Variants in TTN observed in about 807,000 individuals in gnomAD.
The protein encoded by TTN is titin.
A neutral mutation model predicts 3,223.0 loss-of-function variants in TTN; 1,525 were observed. That is an observed-to-expected ratio of 0.47 (90% confidence interval 0.45 to 0.49). The LOEUF (loss-of-function observed/expected upper bound fraction) is 0.49. TTN is among the 20% of genes least tolerant of loss of function. The pLI is 0.00. For synonymous variants in TTN, 14,094 were observed against 15,161.0 expected, an observed-to-expected ratio of 0.93 and a Z score of 5.17; for missense variants, 40,786 against 43,424.0, an observed-to-expected ratio of 0.94 and a Z score of 5.40.
In TTN at chr2:178,714,967, T is replaced by A. The variant is rs2562837; in HGVS notation, c.26200+19A>T. ...TTAGAAGGGAAGTAGTGAGCAGAAG[T>A]GAATGCAGTCCATCTAACCTTTGAG... On this transcript the variant is annotated intron_variant, in intron 90 of 362. Coordinates refer to ENST00000589042, the MANE Select transcript of TTN (RefSeq NM_001267550.2). 0.033 allele frequency: 52,395 copies of A among 1,589,382 alleles called. 1,676 individuals are homozygous for A. Among genetic ancestry groups the A allele is most frequent in the East Asian group, 0.19 (8,522 of 44,650 alleles).
In TTN at chr2:178,663,321, T is replaced by A. The variant is rs2154258534; in HGVS notation, c.36645A>T (p.Pro12215=). 5.7e-6 allele frequency: 9 copies of A among 1,575,268 alleles called. No homozygotes were observed. The highest frequency in any genetic ancestry group is 7.7e-6 in the Non-Finnish European group (9 of 1,165,220). The change falls in exon 173 of 363, where the codon CCA becomes CCT. Residue 12215 remains proline, a synonymous_variant. Transcript: ENST00000589042. The stretch of plus-strand genomic sequence containing the variant: ...GAATAGCTTCAGGCAACTTCTTTTC[T>A]GGGACAGCTGCCTTTGGCACCTCTG... The part of the protein sequence containing the change: ...KVPEVPKAAV[P]EKKLPEAIPP...
rs1253287416 is a variant in TTN at position 178,603,897 on chromosome 2, C to T, written c.54790G>A (p.Glu18264Lys). The T allele has an allele frequency of 3.7e-6, 6 of 1,607,938 alleles. No individual in the cohort carries two copies. The highest frequency in any genetic ancestry group is 5.1e-6 in the Non-Finnish European group (6 of 1,175,578). ...IGPPSEPSDP[E>K]VAGDPIFPPG... The stretch of plus-strand genomic sequence containing the variant: ...TTACATATGGGATCTCCTGCAACCT[C>T]TGGATCTGATGGTTCACTGGGAGGA... The change falls in exon 282 of 363, where the codon GAG becomes AAG. Residue 18264 changes from glutamate to lysine, a missense_variant. Coordinates refer to ENST00000589042, the MANE Select transcript of TTN (RefSeq NM_001267550.2).
Position 178,610,185 on chromosome 2 carries a change from T to C in TTN, c.51341A>G (p.Asn17114Ser). 6.2e-7 allele frequency: 1 copy of C among 1,613,028 alleles called. No homozygotes were observed. Among genetic ancestry groups the C allele is most frequent in the Non-Finnish European group, 8.5e-7 (1 of 1,179,318 alleles). Residue 17114 changes from asparagine to serine, a missense_variant, in exon 271 of 363, where the codon AAT (asparagine) becomes AGT (serine). By Grantham distance (46) the Asn-to-Ser change is conservative (BLOSUM62 1). Coordinates refer to ENST00000589042, the MANE Select transcript of TTN (RefSeq NM_001267550.2). ...LSWTVKDLIP[N>S]GEYFFRVKAV... ...TTTAACACGGAAGAAGTATTCACCATTTGGTATGAGATCCTTCACAGTCCA... is the reference window on the plus strand; with the variant it reads ...TTTAACACGGAAGAAGTATTCACCACTTGGTATGAGATCCTTCACAGTCCA...
chr2:178,717,711 G>C lies in TTN; in HGVS notation c.25163C>G (p.Pro8388Arg). The change falls in exon 87 of 363, where the codon CCT becomes CGT. Residue 8388 changes from proline to arginine, a missense_variant. By Grantham distance (103) the Pro-to-Arg change is moderately radical. Transcript: ENST00000589042. ...ATCCTTGTACCAAGACACTTGAAGAGGTTCTGAGCCATTGATGCGGCATTC... is the reference window on the plus strand; with the variant it reads ...ATCCTTGTACCAAGACACTTGAAGACGTTCTGAGCCATTGATGCGGCATTC... ...AFECRINGSE[P>R]LQVSWYKDGV... is the part of the protein sequence containing the mutation. 4.3e-6 allele frequency: 7 copies of C among 1,613,384 alleles called. No homozygotes were observed. The highest frequency in any genetic ancestry group is 5.9e-6 in the Non-Finnish European group (7 of 1,179,582).
In TTN at chr2:178,636,778, G is replaced by T. The variant is rs1259088539; in HGVS notation, c.40949C>A (p.Ser13650Ter). The change falls in exon 225 of 363, where the codon TCA becomes TAA. Residue 13650 changes from serine (S) to a stop codon, truncating the protein, a stop_gained. Coordinates refer to ENST00000589042, the MANE Select transcript of TTN (RefSeq NM_001267550.2). LOFTEE classifies it high-confidence loss of function. This position sits in a 1 kb window ranked among gnomAD's most constrained non-coding sequence, Gnocchi z 4.3. ...PIKGVPKKTP[S>*]PIEAERRKLR... The stretch of plus-strand genomic sequence containing the variant: ...CTTTCTCCTTTCGGCTTCTATTGGT[G>T]AAGGAGTCTTTTTGGGTACACCTAA... 1 of 1,599,946 alleles carries T rather than the reference G, an allele frequency of 6.3e-7. No individual in the cohort carries two copies. The highest frequency in any genetic ancestry group is 8.5e-7 in the Non-Finnish European group (1 of 1,172,232).
intron 22 of TTN, 34 bp from the exon 23 acceptor site, chr2:178,779,496 A>G: frequency 2.4e-6 from 3 of 1,263,880 alleles, no homozygotes; most frequent in Non-Finnish European, 3.4e-6. Context: ...TTAAAAATAC[A>G]TATCCTTACT....
At position 178,554,692 on chromosome 2, in the gene TTN, G is replaced by A. The variant is rs756935787; in HGVS notation, c.88655C>T (p.Thr29552Ile). 2 of 1,613,918 alleles carry A rather than the reference G, an allele frequency of 1.2e-6. No homozygotes were observed. The highest frequency in any genetic ancestry group is 1.1e-5 in the South Asian group (1 of 91,084). ...ATCAGCTGGAGGCCGCCAGAGAAGG[G>A]TGATCTTCTCAGCAGTTACAGTCTT... ...EFKTVTAEKI[T>I]LLWRPPADDG... Residue 29552 changes from threonine to isoleucine, a missense_variant, in exon 332 of 363, where the codon ACC becomes ATC. Physicochemically the swap from Thr to Ile is moderately conservative, Grantham distance 89 (BLOSUM62 -1). Transcript: ENST00000589042.
At chr2:178,607,727 A>T in intron 276 of TTN, 42 bp from the exon 277 acceptor site, 1 of 1,611,708 alleles carries the variant, frequency 6.2e-7, no homozygotes, top group Non-Finnish European at 8.5e-7. Context: ...ATGAAAGATT[A>T]AAAAATAGTC....
intron 138 of TTN, 51 bp from the exon 139 acceptor site, chr2:178,680,382 G>A (rs1025634948): frequency 4.7e-5 from 69 of 1,461,610 alleles, no homozygotes; most frequent in Non-Finnish European, 6.4e-5. Context: ...AGGCCACCCA[G>A]CCAATGCTTG....
intron 311 of TTN, 53 bp from the exon 312 acceptor site, chr2:178,583,959 C>A: frequency 6.9e-7 from 1 of 1,440,666 alleles, no homozygotes; most frequent in Non-Finnish European, 9.2e-7. Context: ...GAAGTTTAAA[C>A]TTCCATATTT....
At chr2:178,701,047 G>T in intron 111 of TTN, 73 bp downstream of exon 111, 3 of 1,454,002 alleles carry the variant, frequency 2.1e-6, no homozygotes, top group Admixed American at 1.8e-5. Flanking sequence ...CCAATGCGTT[G>T]TATTAAGCAA....
intron 7 of TTN, 66 bp from the exon 8 acceptor site, chr2:178,794,617 A>T: frequency 6.2e-7 from 1 of 1,607,466 alleles, no homozygotes. Context: ...ATAAAAAAGC[A>T]TACTGGAAAA....
At position 178,777,553 on chromosome 2, in the gene TTN, T is replaced by C. The variant is rs1387464126; in HGVS notation, c.4512A>G (p.Lys1504=). 2.5e-6 allele frequency: 4 copies of C among 1,613,988 alleles called. No homozygotes were observed. The South Asian group carries it at 3.3e-5, about 13-fold the overall frequency. Residue 1504 remains lysine, a synonymous_variant, in exon 26 of 363, where the codon AAA becomes AAG. Transcript: ENST00000589042. ...GAGTACCATCTTCTTTAATGACTAC[T>C]TTATGGGTATAGTCATTGACAATTT... ...GQQIVNDYTH[K]VVIKEDGTQS... is the part of the protein sequence containing the mutation.
In TTN at chr2:178,575,057, T is replaced by C. The variant is rs1575796679; in HGVS notation, c.71075A>G (p.Asn23692Ser). 6.2e-7 allele frequency: 1 copy of C among 1,613,418 alleles called. No homozygotes were observed. Among genetic ancestry groups the C allele is most frequent in the Non-Finnish European group, 8.5e-7 (1 of 1,179,612 alleles). Residue 23692 changes from asparagine to serine, a missense_variant, in exon 326 of 363, where the codon AAT becomes AGT. Asn to Ser is a conservative substitution (Grantham distance 46). Coordinates refer to ENST00000589042, the MANE Select transcript of TTN (RefSeq NM_001267550.2). This position sits in a 1 kb window ranked among gnomAD's most constrained non-coding sequence, Gnocchi z 4.0. ...FETTATSTIL[N>S]INECVRSDSG... is the part of the protein sequence containing the mutation. The stretch of plus-strand genomic sequence containing the variant: ...ATCACTTCTGACACACTCATTGATA[T>C]TTAAAATGGTTGAAGTCGCTGTGGT...
intron 47 of TTN, among the ~76,000 whole-genome samples, chr2:178,742,239 TTAAA>T (rs546500220): frequency 1.3e-3 from 197 of 152,220 alleles, no homozygotes; most frequent in African/African-American, 4.4e-3. Context: ...AAACTGCTAA[TTAAA>T]TAGTTATAAT....
Position 178,584,482 on chromosome 2 carries a change from G to A in TTN, c.65069C>T (p.Pro21690Leu), listed in dbSNP as rs2048495568. The A allele has an allele frequency of 1.2e-6, 2 of 1,613,126 alleles. No homozygotes were observed. ...WDRPDSDGGS[P>L]IIGYLIERKE... is the part of the protein sequence containing the mutation. ...GCGTTCAATCAGATAACCAATAATG[G>A]GGCTCCCTCCATCACTATCTGGTCT... is the stretch of plus-strand genomic sequence containing the variant. Residue 21690 changes from proline (P) to leucine (L), a missense_variant, in exon 311 of 363, where the codon CCC becomes CTC. By Grantham distance (98) the Pro-to-Leu change is moderately conservative. Transcript: ENST00000589042.
At chr2:178,802,537 G>A (rs2094119886) in intron 2 of TTN, among the ~76,000 whole-genome samples, 196 bp from the exon 3 acceptor site, 1 of 152,194 alleles carries the variant, frequency 6.6e-6, no homozygotes. Context: ...AGGAAGGGAG[G>A]AAACTGAGAC....
rs776553353 is a variant in TTN at position 178,538,852 on chromosome 2, A to T, written c.98990-13T>A. The T allele has an allele frequency of 1.3e-6, 2 of 1,589,436 alleles. No homozygotes were observed. Among genetic ancestry groups the T allele is most frequent in the Admixed American group, 1.8e-5 (1 of 57,042 alleles). ...TGGCTTGGTTTATCTGAAATATTTTAAAATAATGAAAAGGGAGTCAGCTTT... is the reference window on the plus strand; with the variant it reads ...TGGCTTGGTTTATCTGAAATATTTTTAAATAATGAAAAGGGAGTCAGCTTT... On this transcript the variant is annotated splice_polypyrimidine_tract_variant and intron_variant, in intron 353 of 362. Coordinates refer to ENST00000589042, the MANE Select transcript of TTN (RefSeq NM_001267550.2).
rs2061337451 is a variant in TTN at position 178,642,234 on chromosome 2, T to C, written c.40558+3A>G. On this transcript the variant is annotated splice_donor_region_variant and intron_variant, in intron 219 of 362. Coordinates refer to ENST00000589042, the MANE Select transcript of TTN (RefSeq NM_001267550.2). ...CTGACAGAATGGTTGAAAAATACTA[T>C]ACCGCTTTTCAGAACAACTTCTTCC... 4 of 1,578,490 alleles carry C rather than the reference T, an allele frequency of 2.5e-6. No individual in the cohort carries two copies. In the East Asian group the frequency reaches 6.9e-5, roughly 27 times the overall value.
Sources: allele counts gnomAD v4.1 joint callset (sites outside exome capture counted in the v4.1 genomes callset), GRCh38; gene constraint gnomAD v4.1.1; non-coding constraint Gnocchi (gnomAD v3.1); transcripts MANE v1.5; gene names NCBI Gene and HGNC (gene_info 2026-07-23, HGNC 2026-07-21).